Variants in DNAH3 observed in about 807,000 individuals in gnomAD.
DNAH3 encodes the protein dynein axonemal heavy chain 3.
In DNAH3, 332 loss-of-function variants were observed where a neutral mutation model predicts 432.5. The observed-to-expected ratio is 0.77, with a 90% CI of 0.70 to 0.84. The LOEUF (loss-of-function observed/expected upper bound fraction) is 0.84. Among genes scored for constraint, DNAH3 ranks in the 40% least tolerant of loss-of-function variants. The probability of loss-of-function intolerance (pLI) is 0.00; values close to 1 mark genes in which losing one functional copy is unlikely to be tolerated. For synonymous variants in DNAH3, 1,956 were observed against 1,900.2 expected (o/e 1.03, Z -0.76); for missense variants, 4,861 against 5,114.0 (o/e 0.95, Z 1.51).
chr16:20,979,037 A>C (rs1360836000), intron 50 of DNAH3, among the ~76,000 whole-genome samples: 1 of 152,162 alleles, frequency 6.6e-6, no homozygotes, highest in Non-Finnish European at 1.5e-5. Context: ...CCTTGAGGAC[A>C]AAACTTAAGG....
At chr16:20,996,495 T>C (rs751457177) in intron 44 of DNAH3, among the ~76,000 whole-genome samples, 1 of 152,154 alleles carries the variant, frequency 6.6e-6, no homozygotes, top group African/African-American at 2.4e-5. Flanking sequence ...AGTCTCATTC[T>C]GTTGCCCAGG....
intron 56 of DNAH3, among the ~76,000 whole-genome samples, chr16:20,949,493 T>C (rs2084215188): frequency 6.6e-6 from 1 of 152,190 alleles, no homozygotes; most frequent in African/African-American, 2.4e-5. Context: ...ATTTATAAAT[T>C]AAACTTTATC....
rs766004232 is a variant in DNAH3 at position 21,081,686 on chromosome 16, C to T, written c.2919G>A (p.Thr973=). 26 of 1,613,786 alleles carry T rather than the reference C, an allele frequency of 1.6e-5. No homozygotes were observed. The Admixed American group carries it at 2.0e-4, about 12-fold the overall frequency. Residue 973 remains threonine, a synonymous_variant, in exon 20 of 62, where the codon ACG becomes ACA. Coordinates refer to ENST00000261383, the Ensembl canonical transcript of DNAH3. The stretch of plus-strand genomic sequence containing the variant: ...ATTCGAGCATATTTGAGAGGCAGGT[C>T]GTTTCGGTGGGCTTTATCTCATAGC...
At chr16:21,018,904 A>AC (rs1366782066) in intron 41 of DNAH3, among the ~76,000 whole-genome samples, 1 of 151,930 alleles carries the variant, frequency 6.6e-6, no homozygotes, top group Non-Finnish European at 1.5e-5. Context: ...CAAAAAAAAA[A>AC]TTATAATGAC....
At chr16:21,150,523 C>A in intron 1 of DNAH3, 1 of 235,240 alleles carries the variant, frequency 4.3e-6, no homozygotes, top group East Asian at 1.1e-4. Flanking sequence ...CTTTGGCCCG[C>A]TGAGGAGTTC....
At chr16:21,023,409 A>C (rs934443980) in intron 39 of DNAH3, among the ~76,000 whole-genome samples, 5 of 152,166 alleles carry the variant, frequency 3.3e-5, no homozygotes, top group African/African-American at 1.2e-4. Flanking sequence ...AGGAAACACA[A>C]ACGTGTTATG....
At chr16:20,961,023 A>C (rs2084794479) in intron 53 of DNAH3, among the ~76,000 whole-genome samples, 1 of 152,188 alleles carries the variant, frequency 6.6e-6, no homozygotes, top group East Asian at 1.9e-4. Context: ...AAAGTATATG[A>C]GACTCCTGCT....
chr16:20,941,422 T>C (rs574110512), exon 59 of DNAH3: 1 of 1,614,028 alleles, frequency 6.2e-7, no homozygotes, highest in East Asian at 2.2e-5. Flanking sequence ...GATGAGCTCC[T>C]GCCTTAGGAC....
At chr16:20,984,029 G>GAAAAAAAAAAA (rs61475224) in intron 48 of DNAH3, among the ~76,000 whole-genome samples, 13 of 112,150 alleles carry the variant, frequency 1.2e-4, no homozygotes, top group African/African-American at 4.5e-4. Context: ...CCTATATCCA[G>GAAAAAAAAAAA]AAAAAAAAAA....
At chr16:20,990,259 C>T (rs2152680063) in intron 44 of DNAH3, among the ~76,000 whole-genome samples, 1 of 152,348 alleles carries the variant, frequency 6.6e-6, no homozygotes, top group Non-Finnish European at 1.5e-5. Context: ...AATTTGGTAT[C>T]CTTATATCAT....
At chr16:21,129,278 T>C (rs2092507850) in intron 7 of DNAH3, 1 of 152,964 alleles carries the variant, frequency 6.5e-6, no homozygotes, top group African/African-American at 2.4e-5. Flanking sequence ...CTGCCTCCAA[T>C]ACTCATCCCC....
In DNAH3 at chr16:20,969,094, G is replaced by C. The variant is rs977228398; in HGVS notation, c.8458+698C>G. On this transcript the variant is annotated intron_variant, in intron 52 of 61. Transcript: ENST00000261383. Reference sequence around the variant, plus strand: ...ATCTGCTTTTTCTTTCTCTGTGTGTGTGTGTGTGTGTGTGTGTGTGTGTGT... The same window carrying C: ...ATCTGCTTTTTCTTTCTCTGTGTGTCTGTGTGTGTGTGTGTGTGTGTGTGT... Among the ~76,000 whole-genome samples the C allele has an allele frequency of 1.2e-4, 12 of 104,156 alleles. No homozygotes were observed. The South Asian group carries it at 3.2e-3, about 27-fold the overall frequency. 68.3% of individuals were successfully genotyped at this position (104,156 alleles called of 152,430 possible). A position where few individuals can be genotyped will look rare whatever the true frequency, so the allele number is the denominator to read the frequency against.
intron 56 of DNAH3, among the ~76,000 whole-genome samples, chr16:20,950,801 T>C (rs1256751037): frequency 1.3e-5 from 2 of 152,108 alleles, no homozygotes; most frequent in African/African-American, 2.4e-5. Flanking sequence ...TTGAAGTTAG[T>C]GGTCACGTTT....
Position 20,966,595 on chromosome 16 carries a change from T to A in DNAH3, c.8459-1170A>T, listed in dbSNP as rs374952816. ...TACCTTTCCCTCAAAGCGGTAAACTTCTTCTGTTTTCTAGAACCTGGCACA... is the reference window on the plus strand; with the variant it reads ...TACCTTTCCCTCAAAGCGGTAAACTACTTCTGTTTTCTAGAACCTGGCACA... On this transcript the variant is annotated intron_variant, in intron 52 of 61. Coordinates refer to ENST00000261383, the Ensembl canonical transcript of DNAH3. Among the ~76,000 whole-genome samples, 43 of 152,310 alleles carry A rather than the reference T, an allele frequency of 2.8e-4. 2 individuals carry two copies. In the East Asian group the frequency reaches 4.6e-3, roughly 16 times the overall value.
At chr16:20,985,134 G>C in exon 48 of DNAH3, 1 of 1,614,108 alleles carries the variant, frequency 6.2e-7, no homozygotes, top group Non-Finnish European at 8.5e-7. Flanking sequence ...TCTCTCCTTG[G>C]GTCCTGGCTG....
intron 33 of DNAH3, among the ~76,000 whole-genome samples, chr16:21,038,632 T>C (rs973850753): frequency 6.6e-6 from 1 of 152,232 alleles, no homozygotes; most frequent in African/African-American, 2.4e-5. Context: ...AATACACTTA[T>C]GCACTTTTCT....
chr16:21,120,583 G>A (rs908972692), intron 11 of DNAH3: 1 of 656,932 alleles, frequency 1.5e-6, no homozygotes, highest in South Asian at 1.8e-5. Flanking sequence ...AGGAAGCTAG[G>A]GCTGTGGGTG....
chr16:20,983,745 G>T (rs1404978492), intron 48 of DNAH3, among the ~76,000 whole-genome samples: 1 of 152,036 alleles, frequency 6.6e-6, no homozygotes, highest in Admixed American at 6.6e-5. Context: ...TGGCACAGTG[G>T]CTCACGTCTG....
At chr16:20,965,907 T>C (rs2085034418) in intron 52 of DNAH3, among the ~76,000 whole-genome samples, 1 of 151,542 alleles carries the variant, frequency 6.6e-6, no homozygotes, top group South Asian at 2.1e-4. Context: ...GAGACAGGGT[T>C]TTACCATGTT....
Sources: allele counts gnomAD v4.1 joint callset (sites outside exome capture counted in the v4.1 genomes callset), GRCh38; gene constraint gnomAD v4.1.1; transcripts MANE v1.5; gene names NCBI Gene and HGNC (gene_info 2026-07-23, HGNC 2026-07-21).